The following NOD2 variants were observed in gnomAD, a reference collection of about 807,000 sequenced individuals.
NOD2 encodes the protein nucleotide-binding oligomerization domain-containing protein 2.
A neutral mutation model predicts 90.9 loss-of-function variants in NOD2; 86 were observed. The observed-to-expected ratio is 0.95, with a 90% confidence interval of 0.79 to 1.13. The LOEUF is 1.13. Among genes scored for constraint, NOD2 ranks in the 50% most tolerant of loss-of-function variants. The pLI, the probability that NOD2 is intolerant of heterozygous loss-of-function variation, is 0.00. For missense variants in NOD2, 1,238 were observed against 1,283.8 expected (o/e 0.96, Z 0.55); for synonymous variants, 581 against 554.6 (o/e 1.05, Z -0.67).
chr16:50,699,540 C>G lies in NOD2; in HGVS notation c.45C>G (p.Val15=). ...TTCAGGCACAGAGGAGCCAGCTGGTCGAGCTGCTGGTCTCAGGGTCCCTGG... is the reference window on the plus strand; with the variant it reads ...TTCAGGCACAGAGGAGCCAGCTGGTGGAGCTGCTGGTCTCAGGGTCCCTGG... ...EAFQAQRSQL[V]ELLVSGSLEG... The change falls in exon 2 of 12, where the codon GTC becomes GTG. Residue 15 remains valine (V), a synonymous_variant. Transcript: ENST00000647318. 6.2e-7 allele frequency: 1 copy of G among 1,613,894 alleles called. No homozygotes were observed. The highest frequency in any genetic ancestry group is 1.1e-5 in the South Asian group (1 of 91,054).
intron 6 of NOD2, among the ~76,000 whole-genome samples, chr16:50,718,550 AG>A (rs1031519964): frequency 3.3e-5 from 5 of 152,244 alleles, no homozygotes; most frequent in African/African-American, 1.2e-4. Context: ...GCGGATAAGC[AG>A]GGGGCAGGGA....
At chr16:50,725,200 G>A (rs1359804740) in intron 9 of NOD2, among the ~76,000 whole-genome samples, 1 of 152,216 alleles carries the variant, frequency 6.6e-6, no homozygotes, top group African/African-American at 2.4e-5. Flanking sequence ...TTCACCAAGT[G>A]CATGGCTGTC....
In NOD2 at chr16:50,719,981, G is replaced by A. The variant is rs201831159; in HGVS notation, c.2606G>A (p.Arg869Gln). ...GCCCAAGTGCTGGCCGAGGGGCTCCGAGGCAACACCTCCTTGCAGTTCCTG... is the reference window on the plus strand; with the variant it reads ...GCCCAAGTGCTGGCCGAGGGGCTCCAAGGCAACACCTCCTTGCAGTTCCTG... ...AGAQVLAEGL[R>Q]GNTSLQFLGF... Residue 869 changes from arginine (R) to glutamine (Q), a missense_variant, in exon 7 of 12, where the codon CGA (arginine) becomes CAA (glutamine). Arg to Gln is a conservative substitution (Grantham distance 43). Transcript: ENST00000647318. 65 of 1,614,162 alleles carry A rather than the reference G, an allele frequency of 4.0e-5. No individual in the cohort carries two copies. Among genetic ancestry groups the A allele is most frequent in the East Asian group, 6.7e-5 (3 of 44,876 alleles).
Position 50,717,076 on chromosome 16 carries a change from C to T in NOD2, c.2549+102C>T, listed in dbSNP as rs112160974. On this transcript the variant is annotated intron_variant, in intron 6 of 11. Coordinates refer to ENST00000647318, the MANE Select transcript of NOD2 (RefSeq NM_001370466.1). ...TGGCACTGCCCACACTGGCTCCTGA[C>T]CTCCTGATTGAATGCAGGGACAGTG... is the stretch of plus-strand genomic sequence containing the variant. 892 of 970,470 alleles carry T rather than the reference C, an allele frequency of 9.2e-4. 8 individuals are homozygous for T. The African/African-American group carries it at 0.013, about 14-fold the overall frequency. 60.1% of individuals were successfully genotyped at this position (970,470 alleles called of 1,614,324 possible). A position where few individuals can be genotyped will look rare whatever the true frequency, so the allele number is the denominator to read the frequency against.
chr16:50,706,756 G>A (rs1445472964), intron 2 of NOD2, among the ~76,000 whole-genome samples: 1 of 151,442 alleles, frequency 6.6e-6, no homozygotes, highest in Non-Finnish European at 1.5e-5. Context: ...GAGTGCAGTG[G>A]TGTGATCTCG....
At chr16:50,712,407 GGGGAGCACCATCAAGGCTAAGTGT>G (rs747507788) in intron 4 of NOD2, 34 bp downstream of exon 4, 1 of 1,610,948 alleles carries the variant, frequency 6.2e-7, no homozygotes. Context: ...TTCAGGTATG[GGGGAGCACCATCAAGGCTAAGTGT>G]GGGAGCACCG....
At chr16:50,716,738 G>T in intron 5 of NOD2, 68 bp downstream of exon 5, 1 of 1,548,582 alleles carries the variant, frequency 6.5e-7, no homozygotes, top group South Asian at 1.1e-5. Context: ...CGTGCAGCCT[G>T]GGAAGCTGTG....
In NOD2 at chr16:50,695,565, A is replaced by G. The variant is rs76685241; in HGVS notation, c.-9+1903A>G. Among the ~76,000 whole-genome samples the G allele has an allele frequency of 3.6e-4, 55 of 152,232 alleles. No individual in the cohort carries two copies. The East Asian group carries it at 0.011, about 30-fold the overall frequency. On this transcript the variant is annotated intron_variant, in intron 1 of 11. Coordinates refer to ENST00000647318, the MANE Select transcript of NOD2 (RefSeq NM_001370466.1). ...TGGGCATCATCACCATATAACTGGTATTTAAAGCCACAAGAGCAGGTGGGC... is the reference window on the plus strand; with the variant it reads ...TGGGCATCATCACCATATAACTGGTGTTTAAAGCCACAAGAGCAGGTGGGC...
chr16:50,716,867 C>A, intron 5 of NOD2, 24 bp from the exon 6 acceptor site: 1 of 1,610,206 alleles, frequency 6.2e-7, no homozygotes, highest in Non-Finnish European at 8.5e-7. Context: ...GCTTCTGTGT[C>A]TCCTCTCTTC....
Position 50,712,080 on chromosome 16 carries a change from G to A in NOD2, c.2088G>A (p.Pro696=), listed in dbSNP as rs754856212. ...TCCGCAAGCACTTCCACTCCATCCC[G>A]CCAGCTGCACCGGGTGAGGCCAAGA... The part of the protein sequence containing the change: ...RSLRKHFHSI[P]PAAPGEAKSV... Residue 696 remains proline (P), a synonymous_variant, in exon 4 of 12, where the codon CCG becomes CCA. Transcript: ENST00000647318. 1.1e-5 allele frequency: 17 copies of A among 1,613,486 alleles called. No homozygotes were observed. The highest frequency in any genetic ancestry group is 5.3e-5 in the African/African-American group (4 of 74,952).
In NOD2 at chr16:50,710,990, A is replaced by G; in HGVS notation, c.998A>G (p.Gln333Arg). Residue 333 changes from glutamine to arginine, a missense_variant, in exon 4 of 12, where the codon CAA (glutamine) becomes CGA (arginine). By Grantham distance (43) the Gln-to-Arg change is conservative. Around this residue, in one of 3 missense-constraint regions of NOD2, gnomAD observed 567 missense variants for 577.3 expected, o/e 0.98. Transcript: ENST00000647318. ...CACTGCTGTTGGCCTGATGTTGGTCAAGAAGACATCTTCCAGTTACTCCTT... is the reference window on the plus strand; with the variant it reads ...CACTGCTGTTGGCCTGATGTTGGTCGAGAAGACATCTTCCAGTTACTCCTT... Reference protein sequence around the residue: ...FEHCCWPDVGQEDIFQLLLDH... With the variant: ...FEHCCWPDVGREDIFQLLLDH... 6.2e-7 allele frequency: 1 copy of G among 1,614,172 alleles called. No homozygotes were observed. The highest frequency in any genetic ancestry group is 8.5e-7 in the Non-Finnish European group (1 of 1,180,018).
chr16:50,695,277 A>T (rs1331641468), intron 1 of NOD2, among the ~76,000 whole-genome samples: 1 of 152,000 alleles, frequency 6.6e-6, no homozygotes, highest in Non-Finnish European at 1.5e-5. Flanking sequence ...AGAAAACCAG[A>T]CATTCAGATT....
rs755091130 is a variant in NOD2, at chr16:50,711,619, C to T, written c.1627C>T (p.Leu543Phe). The part of the protein sequence containing the change: ...MCCYVFSAQQ[L>F]QAAQVSPDDI... ...CTGCTACGTGTTCTCAGCCCAGCAGCTCCAGGCAGCACAGGTCAGCCCTGA... is the reference window on the plus strand; with the variant it reads ...CTGCTACGTGTTCTCAGCCCAGCAGTTCCAGGCAGCACAGGTCAGCCCTGA... The change falls in exon 4 of 12, where the codon CTC becomes TTC. Residue 543 changes from leucine to phenylalanine, a missense_variant. Around this residue, in one of 3 missense-constraint regions of NOD2, gnomAD observed 667 missense variants for 688.7 expected, o/e 0.97. Coordinates refer to ENST00000647318, the MANE Select transcript of NOD2 (RefSeq NM_001370466.1). The T allele has an allele frequency of 6.2e-7, 1 of 1,612,110 alleles. No homozygotes were observed. Among genetic ancestry groups the T allele is most frequent in the East Asian group, 2.2e-5 (1 of 44,884 alleles).
intron 6 of NOD2, 106 bp downstream of exon 6, chr16:50,717,080 C>G: frequency 1.1e-6 from 1 of 924,690 alleles, no homozygotes; most frequent in Non-Finnish European, 1.8e-6. Context: ...TCCTGACCTC[C>G]TGATTGAATG....
intron 2 of NOD2, among the ~76,000 whole-genome samples, chr16:50,701,732 G>A (rs567285818): frequency 1.3e-5 from 2 of 152,260 alleles, no homozygotes; most frequent in South Asian, 4.1e-4. Flanking sequence ...TGTGAACAGA[G>A]GAAGTACATG....
At chr16:50,694,586 G>T (rs1323484526) in intron 1 of NOD2, among the ~76,000 whole-genome samples, 1 of 152,208 alleles carries the variant, frequency 6.6e-6, no homozygotes, top group African/African-American at 2.4e-5. Flanking sequence ...CATGCCCAGT[G>T]GTGGGGAGCT....
intron 4 of NOD2, among the ~76,000 whole-genome samples, chr16:50,716,109 A>G (rs1029132714): frequency 1.6e-4 from 24 of 152,204 alleles, no homozygotes; most frequent in African/African-American, 5.5e-4. Flanking sequence ...ACCACAGCCT[A>G]TATGCCTGTT....
intron 7 of NOD2, among the ~76,000 whole-genome samples, chr16:50,720,936 C>T (rs188993260): frequency 3.9e-5 from 6 of 152,294 alleles, no homozygotes; most frequent in African/African-American, 1.4e-4. Flanking sequence ...TCTCAAGTAG[C>T]TGGGATTATA....
At chr16:50,716,438 C>T in intron 4 of NOD2, 149 bp from the exon 5 acceptor site, 1 of 762,804 alleles carries the variant, frequency 1.3e-6, no homozygotes, top group Non-Finnish European at 2.2e-6. Flanking sequence ...GGGGTCTCCA[C>T]TTTTTTGGGG....
Sources: gnomAD v4.1 joint callset for allele counts (sites outside exome capture counted in the v4.1 genomes callset) on GRCh38, gnomAD v4.1.1 for gene constraint, gnomAD v4.1.1 regional missense constraint, MANE v1.5 for transcripts, NCBI Gene and HGNC (gene_info 2026-07-23, HGNC 2026-07-21) for gene names.